GDAP1: variants seen among roughly 807,000 people sequenced by gnomAD.
GDAP1 encodes the protein ganglioside-induced differentiation-associated protein 1.
In GDAP1, 34 loss-of-function variants were observed where a neutral mutation model predicts 40.1. The ratio of observed to expected loss-of-function variants is 0.85; its 90% CI spans 0.64 to 1.13. The LOEUF is 1.13. GDAP1 is among the 50% of genes most tolerant of loss of function. GDAP1 has a pLI of 0.00. For missense variants in GDAP1, 374 were observed against 433.7 expected (o/e 0.86, Z 1.22); for synonymous variants, 170 against 157.4 (o/e 1.08, Z -0.60).
At chr8:74,427,716 A>T (rs919030493) in intron 2 of GDAP1, among the ~76,000 whole-genome samples, 4 of 152,202 alleles carry the variant, frequency 2.6e-5, no homozygotes, top group Non-Finnish European at 5.9e-5. Context: ...TTACTCAGGC[A>T]GTCTGTACTC....
At chr8:74,393,579 G>A (rs1810145053) in intron 2 of GDAP1, among the ~76,000 whole-genome samples, 1 of 152,018 alleles carries the variant, frequency 6.6e-6, no homozygotes, top group African/African-American at 2.4e-5. Context: ...AAAACAAAGG[G>A]GCAGAAATTT....
chr8:74,464,252 A>C (rs1806438907), intron 2 of GDAP1, among the ~76,000 whole-genome samples: 1 of 152,214 alleles, frequency 6.6e-6, no homozygotes, highest in Admixed American at 6.5e-5. Flanking sequence ...ACAGTCCAAA[A>C]TACAGTGCCA....
chr8:74,390,481 C>T (rs1165787445), intron 2 of GDAP1, among the ~76,000 whole-genome samples: 2 of 152,202 alleles, frequency 1.3e-5, no homozygotes, highest in Non-Finnish European at 2.9e-5. Flanking sequence ...CCACTCCACA[C>T]CCTGTTTCCC....
chr8:74,458,651 G>T (rs1261483407), intron 2 of GDAP1, among the ~76,000 whole-genome samples: 3 of 152,188 alleles, frequency 2.0e-5, no homozygotes, highest in African/African-American at 7.2e-5. Context: ...TTCTCAAGTT[G>T]TAAGGATCCA....
chr8:74,472,996 A>G (rs899193173), intron 2 of GDAP1, among the ~76,000 whole-genome samples: 1 of 151,994 alleles, frequency 6.6e-6, no homozygotes, highest in Non-Finnish European at 1.5e-5. Context: ...GAAATCTGCT[A>G]GCCTTGGGCT....
chr8:74,467,449 G>T (rs1436934234), intron 2 of GDAP1, among the ~76,000 whole-genome samples: 1 of 152,108 alleles, frequency 6.6e-6, no homozygotes, highest in African/African-American at 2.4e-5. Context: ...AGAGGGCAAG[G>T]GGTTTGAGGG....
At chr8:74,471,454 T>A (rs1344450883) in intron 2 of GDAP1, among the ~76,000 whole-genome samples, 3 of 150,848 alleles carry the variant, frequency 2.0e-5, no homozygotes, top group African/African-American at 4.8e-5. Context: ...TCCTTTTTTT[T>A]TTAAAAAAAA....
chr8:74,453,971 A>G (rs1157272429), intron 2 of GDAP1, among the ~76,000 whole-genome samples: 1 of 81,298 alleles, frequency 1.2e-5, no homozygotes, highest in Non-Finnish European at 2.5e-5. Flanking sequence ...ACACACACAC[A>G]CACACGTATT....
rs186981241 is a variant in GDAP1, at chr8:74,451,211, G to A, written c.166-37467G>A. Among the ~76,000 whole-genome samples, 45 of 82,530 alleles carry A rather than the reference G, an allele frequency of 5.5e-4. 19 individuals carry two copies. Among genetic ancestry groups the A allele is most frequent in the Admixed American group, 1.2e-3 (10 of 8,096 alleles). The allele number at this position is 82,530 out of a possible 152,430, so 54.1% of individuals were successfully genotyped here. On this transcript the variant is annotated intron_variant, in intron 2 of 2. Transcript: ENST00000523640. ...ATGCCTGTAATCCTAGCACTTTAGG[G>A]GGCTGAGGCGGGTGGATCACTTGAG...
rs1167599977 is a variant in GDAP1 at position 74,351,286 on chromosome 8, A to G, written c.130A>G (p.Ile44Val). The change falls in exon 2 of 6, where the codon ATT becomes GTT. Residue 44 changes from isoleucine to valine, a missense_variant. Coordinates refer to ENST00000220822, the MANE Select transcript of GDAP1 (RefSeq NM_018972.4). ...TGAACTCTTCCAGGTGCGCTTGGTA[A>G]TTGCTGAAAAGGCATTGAAGTGCGA... ...SFSSQKVRLVIAEKALKCEEH... is the reference protein window; with the variant it reads ...SFSSQKVRLVVAEKALKCEEH... 1 of 1,613,934 alleles carries G rather than the reference A, an allele frequency of 6.2e-7. No individual in the cohort carries two copies. Among genetic ancestry groups the G allele is most frequent in the East Asian group, 2.2e-5 (1 of 44,894 alleles).
chr8:74,397,779 TC>T (rs777270516), intron 2 of GDAP1, among the ~76,000 whole-genome samples: 2 of 152,184 alleles, frequency 1.3e-5, no homozygotes, highest in African/African-American at 2.4e-5. Flanking sequence ...TAGTTTGAGA[TC>T]AGGTAGTGTG....
chr8:74,386,858 C>A (rs188455044), intron 2 of GDAP1, among the ~76,000 whole-genome samples: 8,849 of 152,182 alleles, frequency 0.058, 297 homozygotes, highest in East Asian at 0.12. Context: ...CTCTTATTTC[C>A]CTGAGCAGTG....
rs1338658151 is a variant in GDAP1 at position 74,403,047 on chromosome 8, A to G, written c.165+51726A>G. Among the ~76,000 whole-genome samples, 2 of 150,146 alleles carry G rather than the reference A, an allele frequency of 1.3e-5. 1 individual carries two copies. The highest frequency in any genetic ancestry group is 5.1e-5 in the African/African-American group (2 of 39,444). ...AAATAGTTCTATAATATAAAAATGG[A>G]CATTTTCATTACAAACACATACACG... On this transcript the variant is annotated intron_variant, in intron 2 of 2. Transcript: ENST00000523640.
At chr8:74,483,492 T>C (rs1806738385) in intron 2 of GDAP1, among the ~76,000 whole-genome samples, 1 of 152,150 alleles carries the variant, frequency 6.6e-6, no homozygotes, top group South Asian at 2.1e-4. Flanking sequence ...TTTTTCCTCC[T>C]TATTAAAGGG....
intron 2 of GDAP1, among the ~76,000 whole-genome samples, chr8:74,399,401 T>C (rs1810277138): frequency 6.7e-6 from 1 of 149,684 alleles, no homozygotes; most frequent in South Asian, 2.1e-4. Context: ...TGATATCCCC[T>C]TTATCATTTT....
chr8:74,410,985 G>T lies in GDAP1; in HGVS notation c.165+59664G>T, dbSNP rs552716055. Reference sequence around the variant, plus strand: ...TCCCCAGGTGTTGAGGGAGGGAGGTGATTGGATCATGGGGGAGGTTTCCCT... The same window carrying T: ...TCCCCAGGTGTTGAGGGAGGGAGGTTATTGGATCATGGGGGAGGTTTCCCT... On this transcript the variant is annotated intron_variant, in intron 2 of 2. Transcript: ENST00000523640. Among the ~76,000 whole-genome samples the T allele has an allele frequency of 2.0e-5, 3 of 150,186 alleles. 1 individual carries two copies. Among genetic ancestry groups the T allele is most frequent in the African/African-American group, 7.6e-5 (3 of 39,508 alleles).
chr8:74,471,219 T>G (rs936033693), intron 2 of GDAP1, among the ~76,000 whole-genome samples: 10 of 152,310 alleles, frequency 6.6e-5, no homozygotes, highest in Admixed American at 5.9e-4. Context: ...CTGATGGTAG[T>G]TTCTTTTGCT....
chr8:74,450,307 T>C (rs966274670), intron 2 of GDAP1, among the ~76,000 whole-genome samples: 2 of 151,894 alleles, frequency 1.3e-5, no homozygotes, highest in African/African-American at 4.8e-5. Context: ...AAATAATGTG[T>C]ATATTTTGGA....
chr8:74,409,908 A>T (rs1805688128), intron 2 of GDAP1, among the ~76,000 whole-genome samples: 1 of 149,762 alleles, frequency 6.7e-6, no homozygotes, highest in Non-Finnish European at 1.5e-5. Flanking sequence ...TGGACTTGAG[A>T]CTGATCTCCC....
Sources: allele counts gnomAD v4.1 joint callset (sites outside exome capture counted in the v4.1 genomes callset), GRCh38; gene constraint gnomAD v4.1.1; transcripts MANE v1.5; gene names NCBI Gene and HGNC (gene_info 2026-07-23, HGNC 2026-07-21).